The following PGLYRP4 variants were observed in gnomAD, a reference collection of about 807,000 sequenced individuals.
The protein encoded by PGLYRP4 is PGRP-I-beta.
A neutral mutation model predicts 41.2 loss-of-function variants in PGLYRP4; 39 were observed. That is an observed-to-expected ratio of 0.95 (90% CI 0.73 to 1.24). The LOEUF (loss-of-function observed/expected upper bound fraction) is 1.24. Ranked by LOEUF, PGLYRP4 falls within the 50% of genes most tolerant of loss-of-function variation. The pLI, the probability that PGLYRP4 is intolerant of heterozygous loss-of-function variation, is 0.00. For synonymous variants in PGLYRP4, 202 were observed against 186.8 expected (o/e 1.08, Z -0.66); for missense variants, 467 against 460.7 (o/e 1.01, Z -0.13).
chr1:153,341,741 T>G lies in PGLYRP4; in HGVS notation c.511A>C (p.Asn171His). 6.2e-7 allele frequency: 1 copy of G among 1,613,958 alleles called. No individual in the cohort carries two copies. The highest frequency in any genetic ancestry group is 2.2e-5 in the East Asian group (1 of 44,876). The change falls in exon 6 of 9, where the codon AAC becomes CAC. Residue 171 changes from asparagine to histidine, a missense_variant. Asn to His is a moderately conservative substitution (Grantham distance 68). Coordinates refer to ENST00000359650, the MANE Select transcript of PGLYRP4 (RefSeq NM_020393.4). ...TTCTGGACAGCATAGGTGATTAGGTTTTCCATGGCCGACAGGGCAGCAGGG... is the reference window on the plus strand; with the variant it reads ...TTCTGGACAGCATAGGTGATTAGGTGTTCCATGGCCGACAGGGCAGCAGGG... The part of the protein sequence containing the change: ...PSPAALSAME[N>H]LITYAVQKGH...
chr1:153,343,335 A>C, intron 4 of PGLYRP4, 127 bp from the exon 5 acceptor site: 2 of 653,004 alleles, frequency 3.1e-6, no homozygotes, highest in Non-Finnish European at 2.8e-6. Flanking sequence ...ATTTGCATGA[A>C]CTCTTCCCAG....
In PGLYRP4 at chr1:153,330,755, C is replaced by T; in HGVS notation, c.*12G>A. 6.2e-7 allele frequency: 1 copy of T among 1,610,052 alleles called. No individual in the cohort carries two copies. The highest frequency in any genetic ancestry group is 8.5e-7 in the Non-Finnish European group (1 of 1,177,036). Reference sequence around the variant, plus strand: ...GGAGGGAAAGCAGTCTCAGAAGGACCTGGGGCTTCTCTCAGTGTTTGAAAT... The same window carrying T: ...GGAGGGAAAGCAGTCTCAGAAGGACTTGGGGCTTCTCTCAGTGTTTGAAAT... On this transcript the variant is annotated 3_prime_UTR_variant, in exon 9 of 9. Coordinates refer to ENST00000359650, the MANE Select transcript of PGLYRP4 (RefSeq NM_020393.4).
chr1:153,346,297 C>A, intron 2 of PGLYRP4, 106 bp from the exon 3 acceptor site: 1 of 821,768 alleles, frequency 1.2e-6, no homozygotes, highest in South Asian at 1.4e-5. Flanking sequence ...GCCCCTCTGC[C>A]TCCTCAAATC....
Position 153,343,073 on chromosome 1 carries a change from G to T in PGLYRP4, c.472+17C>A. The T allele has an allele frequency of 6.7e-7, 1 of 1,483,468 alleles. No homozygotes were observed. Among genetic ancestry groups the T allele is most frequent in the Non-Finnish European group, 9.4e-7 (1 of 1,061,016 alleles). The allele number at this position is 1,483,468 out of a possible 1,614,324, so 91.9% of individuals were successfully genotyped here. On this transcript the variant is annotated intron_variant, in intron 5 of 8. Coordinates refer to ENST00000359650, the MANE Select transcript of PGLYRP4 (RefSeq NM_020393.4). ...TTAGAGAACTCTTTGGAGAAGGTCA[G>T]CTGTGATAACTGTTACCTTTCTTAG...
At chr1:153,337,442 C>T (rs1333269373) in intron 7 of PGLYRP4, 143 bp from the exon 8 acceptor site, 4 of 611,962 alleles carry the variant, frequency 6.5e-6, no homozygotes. Flanking sequence ...AGAAACAAGA[C>T]AGAGTCCTTG....
chr1:153,344,390 C>T (rs765813756), intron 4 of PGLYRP4, among the ~76,000 whole-genome samples: 10 of 152,182 alleles, frequency 6.6e-5, no homozygotes, highest in Non-Finnish European at 1.3e-4. Flanking sequence ...GTGGCCTTCC[C>T]AGGAGCTGTG....
chr1:153,342,515 G>T (rs117229228), intron 5 of PGLYRP4, among the ~76,000 whole-genome samples: 6 of 152,274 alleles, frequency 3.9e-5, no homozygotes, highest in Non-Finnish European at 8.8e-5. Context: ...CTCTGTTAAC[G>T]GGAAAGGGTA....
intron 6 of PGLYRP4, among the ~76,000 whole-genome samples, chr1:153,341,260 C>G (rs1019748822): frequency 1.3e-5 from 2 of 152,212 alleles, no homozygotes; most frequent in Non-Finnish European, 2.9e-5. Flanking sequence ...TGCTTATTGT[C>G]TTTCTCTGCC....
intron 7 of PGLYRP4, among the ~76,000 whole-genome samples, chr1:153,339,117 C>T (rs891527619): frequency 1.3e-5 from 2 of 152,200 alleles, no homozygotes; most frequent in Non-Finnish European, 2.9e-5. Flanking sequence ...GGATACAGTA[C>T]AAGGTCCAAG....
chr1:153,348,018 A>C, intron 1 of PGLYRP4, 40 bp from the exon 2 acceptor site: 40 of 1,122,594 alleles, frequency 3.6e-5, no homozygotes, highest in Non-Finnish European at 4.6e-5. Flanking sequence ...GACCATTCTC[A>C]ATCTGCAGAG....
At chr1:153,338,823 G>A (rs1052061573) in intron 7 of PGLYRP4, among the ~76,000 whole-genome samples, 2 of 151,990 alleles carry the variant, frequency 1.3e-5, no homozygotes, top group East Asian at 1.9e-4. Flanking sequence ...TAAACCTCCC[G>A]TCTACCCTCC....
chr1:153,335,762 T>C (rs967466788), intron 8 of PGLYRP4, among the ~76,000 whole-genome samples: 1 of 151,928 alleles, frequency 6.6e-6, no homozygotes, highest in Non-Finnish European at 1.5e-5. Flanking sequence ...AGTCAAAAAA[T>C]AACAGATGTT....
chr1:153,339,571 A>G (rs1279788952), intron 7 of PGLYRP4, among the ~76,000 whole-genome samples: 2 of 152,202 alleles, frequency 1.3e-5, no homozygotes, highest in African/African-American at 2.4e-5. Flanking sequence ...AATTTTCCTG[A>G]TGGGATGTTA....
At chr1:153,347,400 C>A (rs187507523) in intron 2 of PGLYRP4, among the ~76,000 whole-genome samples, 2 of 151,786 alleles carry the variant, frequency 1.3e-5, no homozygotes, top group Non-Finnish European at 2.9e-5. Context: ...GACAAGTTCT[C>A]GCTCTGTCAC....
intron 7 of PGLYRP4, among the ~76,000 whole-genome samples, chr1:153,337,624 A>G (rs1322745383): frequency 1.3e-5 from 2 of 152,130 alleles, no homozygotes; most frequent in African/African-American, 4.8e-5. Flanking sequence ...ATCTCTAACA[A>G]TCAGCTCTCA....
In PGLYRP4 at chr1:153,345,270, G is replaced by C. The variant is rs753050386; in HGVS notation, c.252C>G (p.Val84=). 1.2e-6 allele frequency: 2 copies of C among 1,614,136 alleles called. No homozygotes were observed. Among genetic ancestry groups the C allele is most frequent in the East Asian group, 4.5e-5 (2 of 44,884 alleles). Reference sequence around the variant, plus strand: ...TCTGGTCGTGACACTCCAGTCCAGGGACATGGTGTATAACAAGGACATTCA... The same window carrying C: ...TCTGGTCGTGACACTCCAGTCCAGGCACATGGTGTATAACAAGGACATTCA... ...TPVNVLVIHH[V]PGLECHDQTV... Residue 84 remains valine, a synonymous_variant, in exon 4 of 9, where the codon GTC becomes GTG. Transcript: ENST00000359650.
chr1:153,340,507 G>C lies in PGLYRP4; in HGVS notation c.698C>G (p.Ala233Gly). ...AGTGTGGATAATGATGCCATACTTC[G>C]CTGGGAGAGTCATCCTGGGACAGTG... The part of the protein sequence containing the change: ...ETHCPRMTLP[A>G]KYGIIIHTAG... The change falls in exon 7 of 9, where the codon GCG becomes GGG. Residue 233 changes from alanine (A) to glycine (G), a missense_variant. Transcript: ENST00000359650. The C allele has an allele frequency of 6.2e-7, 1 of 1,614,126 alleles. No homozygotes were observed. Among genetic ancestry groups the C allele is most frequent in the Non-Finnish European group, 8.5e-7 (1 of 1,180,018 alleles).
intron 3 of PGLYRP4, among the ~76,000 whole-genome samples, chr1:153,345,841 G>A (rs953440513): frequency 6.6e-5 from 10 of 152,166 alleles, no homozygotes; most frequent in Non-Finnish European, 1.3e-4. Context: ...TGAGGGCAAG[G>A]TTTGGGTCTC....
At chr1:153,335,106 A>G in intron 8 of PGLYRP4, among the ~76,000 whole-genome samples, 1 of 152,324 alleles carries the variant, frequency 6.6e-6, no homozygotes, top group East Asian at 1.9e-4. Context: ...AAGAAAACCC[A>G]GGGAAAAACT....
Sources: gnomAD v4.1 joint callset for allele counts (sites outside exome capture counted in the v4.1 genomes callset) on GRCh38, gnomAD v4.1.1 for gene constraint, MANE v1.5 for transcripts, NCBI Gene and HGNC (gene_info 2026-07-23, HGNC 2026-07-21) for gene names.